AKAP9: variants seen among roughly 807,000 people sequenced by gnomAD.
AKAP9 encodes the protein A-kinase anchoring protein 9, also known as A-kinase anchor protein 9.
A neutral mutation model predicts 488.5 loss-of-function variants in AKAP9; 311 were observed. The ratio of observed to expected loss-of-function variants is 0.64; its 90% confidence interval spans 0.58 to 0.70. The LOEUF is 0.70. Among genes scored for constraint, AKAP9 ranks in the 30% least tolerant of loss-of-function variants. The pLI is 0.00. For missense variants in AKAP9, 4,215 were observed against 4,374.5 expected, an observed-to-expected ratio of 0.96 and a Z score of 1.03; for synonymous variants, 1,462 against 1,483.5, an observed-to-expected ratio of 0.99 and a Z score of 0.33.
In AKAP9 at chr7:92,066,462, A is replaced by G. The variant is rs1378402881; in HGVS notation, c.6246A>G (p.Val2082=). ...QAIDREHERD[V]FQQEIQKLEQ... is the part of the protein sequence containing the mutation. ...TTGACAGAGAACATGAGAGAGATGT[A>G]TTCCAACAGGAAATACAGAAACTAG... is the stretch of plus-strand genomic sequence containing the variant. Residue 2082 remains valine (V), a synonymous_variant, in exon 26 of 50, where the codon GTA becomes GTG. Transcript: ENST00000356239. The G allele has an allele frequency of 6.2e-7, 1 of 1,613,420 alleles. No individual in the cohort carries two copies. Among genetic ancestry groups the G allele is most frequent in the African/African-American group, 1.3e-5 (1 of 75,016 alleles).
chr7:92,059,770 T>C (rs749560140), intron 22 of AKAP9, among the ~76,000 whole-genome samples: 16 of 151,852 alleles, frequency 1.1e-4, no homozygotes, highest in Non-Finnish European at 2.1e-4. Context: ...AATTCCCATG[T>C]AGTTGTATAT....
rs1456779223 is a variant in AKAP9 at position 92,110,622 on chromosome 7, G to C, written c.*463G>C. 4.8e-6 allele frequency: 1 copy of C among 208,756 alleles called. No homozygotes were observed. Among genetic ancestry groups the C allele is most frequent in the East Asian group, 7.5e-5 (1 of 13,380 alleles). The allele number at this position is 208,756 out of a possible 1,614,324, so 12.9% of individuals were successfully genotyped here. On this transcript the variant is annotated 3_prime_UTR_variant, in exon 50 of 50. Coordinates refer to ENST00000356239, the MANE Select transcript of AKAP9 (RefSeq NM_005751.5). ...TAATGGTAGAAGTTTTGAATTTTATGGGGTATTTTGTCAAGTACTGAAATA... is the reference window on the plus strand; with the variant it reads ...TAATGGTAGAAGTTTTGAATTTTATCGGGTATTTTGTCAAGTACTGAAATA...
chr7:92,095,154 G>T lies in AKAP9; in HGVS notation c.9710G>T (p.Arg3237Leu), dbSNP rs757123477. ...GCCAAGTTGGGACGCAGTGAAGAAC[G>T]GGATAAAGAAGAACTTGAGGTACTG... ...EKAKLGRSEE[R>L]DKEELEDLKF... Residue 3237 changes from arginine to leucine, a missense_variant, in exon 40 of 50, where the codon CGG becomes CTG. This residue lies in a region of AKAP9 where 1,476 missense variants were observed against 1,477.4 expected (regional missense o/e 1.00). Transcript: ENST00000356239. 1.9e-6 allele frequency: 3 copies of T among 1,614,114 alleles called. No individual in the cohort carries two copies. Among genetic ancestry groups the T allele is most frequent in the Middle Eastern group, 1.6e-4 (1 of 6,062 alleles).
At chr7:92,006,474 G>A (rs138443550) in intron 8 of AKAP9, among the ~76,000 whole-genome samples, 1 of 152,116 alleles carries the variant, frequency 6.6e-6, no homozygotes, top group African/African-American at 2.4e-5. Context: ...CTGTACTAAA[G>A]AGATACTAAA....
intron 1 of AKAP9, among the ~76,000 whole-genome samples, chr7:91,962,104 TC>T: frequency 6.6e-6 from 1 of 152,210 alleles, no homozygotes; most frequent in Non-Finnish European, 1.5e-5. Flanking sequence ...AAATGTTTTC[TC>T]AGAAATTTAA....
rs1164753396 is a variant in AKAP9 at position 92,022,795 on chromosome 7, G to GTCTCTTTA, written c.3953-17_3953-10dup. ...ACTTATATTGAAATGTGCATTTTTT[G>GTCTCTTTA]TCTCTTTATATAACATAGATGTCAA... On this transcript the variant is annotated intron_variant, in intron 13 of 49. Coordinates refer to ENST00000356239, the MANE Select transcript of AKAP9 (RefSeq NM_005751.5). 25 of 1,486,686 alleles carry GTCTCTTTA rather than the reference G, an allele frequency of 1.7e-5. No individual in the cohort carries two copies. Among genetic ancestry groups the GTCTCTTTA allele is most frequent in the Non-Finnish European group, 1.9e-5 (20 of 1,073,048 alleles). The allele number at this position is 1,486,686 out of a possible 1,614,324, so 92.1% of individuals were successfully genotyped here.
At chr7:92,101,668 T>C (rs1238848145) in intron 45 of AKAP9, among the ~76,000 whole-genome samples, 2 of 152,108 alleles carry the variant, frequency 1.3e-5, no homozygotes, top group Admixed American at 6.5e-5. Context: ...TAACAAAAGC[T>C]CTACTATTGT....
intron 44 of AKAP9, 95 bp downstream of exon 44, chr7:92,099,964 T>C: frequency 1.7e-6 from 2 of 1,187,348 alleles, no homozygotes; most frequent in Non-Finnish European, 2.5e-6. Context: ...AATGTAAAAC[T>C]ATCACACACC....
At chr7:92,025,517 A>G (rs1184970122) in intron 14 of AKAP9, among the ~76,000 whole-genome samples, 2 of 152,226 alleles carry the variant, frequency 1.3e-5, no homozygotes, top group Non-Finnish European at 2.9e-5. Context: ...TTTTGAATAG[A>G]GTATACTGTT....
At chr7:91,971,675 C>T (rs961959352) in intron 1 of AKAP9, among the ~76,000 whole-genome samples, 14 of 141,956 alleles carry the variant, frequency 9.9e-5, no homozygotes, top group Non-Finnish European at 1.8e-4. Context: ...TCACGCCATT[C>T]TCCTGCCTCA....
At chr7:91,957,534 C>G (rs1011175889) in intron 1 of AKAP9, among the ~76,000 whole-genome samples, 2 of 152,090 alleles carry the variant, frequency 1.3e-5, no homozygotes, top group Non-Finnish European at 2.9e-5. Context: ...AATGGAATCA[C>G]AAAGGAACAA....
chr7:92,106,761 T>C (rs756784978), intron 47 of AKAP9, among the ~76,000 whole-genome samples: 4 of 152,254 alleles, frequency 2.6e-5, no homozygotes, highest in Non-Finnish European at 4.4e-5. Flanking sequence ...CTTTACATAC[T>C]CTACCAGGAG....
intron 1 of AKAP9, among the ~76,000 whole-genome samples, chr7:91,950,077 G>C (rs926450321): frequency 4.6e-5 from 7 of 152,058 alleles, no homozygotes; most frequent in Admixed American, 3.9e-4. Context: ...TAGGTTCTCT[G>C]ATTTACAGAT....
intron 7 of AKAP9, among the ~76,000 whole-genome samples, chr7:91,997,184 G>A (rs1018166869): frequency 9.9e-5 from 15 of 152,126 alleles, no homozygotes; most frequent in African/African-American, 3.6e-4. Context: ...ACCTATTTTT[G>A]TAGCAGGCCC....
chr7:92,045,128 T>C lies in AKAP9; in HGVS notation c.5283T>C (p.Ser1761=), dbSNP rs776345336. ...RHVLGILDRS[S]KSQSSASLIW... is the part of the protein sequence containing the mutation. ...TCCTTGGGATTCTAGATAGATCTAG[T>C]AAAAGCCAGTCATCTGCCAGCCTAA... Residue 1761 remains serine, a synonymous_variant, in exon 21 of 50, where the codon AGT becomes AGC. Coordinates refer to ENST00000356239, the MANE Select transcript of AKAP9 (RefSeq NM_005751.5). The C allele has an allele frequency of 1.2e-5, 19 of 1,613,672 alleles. No individual in the cohort carries two copies. The highest frequency in any genetic ancestry group is 1.6e-4 in the Middle Eastern group (1 of 6,084).
intron 8 of AKAP9, among the ~76,000 whole-genome samples, chr7:92,010,473 T>C (rs1462074491): frequency 1.3e-5 from 2 of 152,218 alleles, no homozygotes; most frequent in Non-Finnish European, 2.9e-5. Flanking sequence ...CAATTCTTTT[T>C]TGTGAGCGGC....
chr7:91,990,271 G>T (rs538757547), intron 3 of AKAP9, among the ~76,000 whole-genome samples: 157 of 152,138 alleles, frequency 1.0e-3, no homozygotes, highest in African/African-American at 3.7e-3. Context: ...GAAGACTAAT[G>T]TTAGAAGAGG....
At chr7:91,971,971 G>A (rs1795138921) in intron 1 of AKAP9, among the ~76,000 whole-genome samples, 2 of 98,984 alleles carry the variant, frequency 2.0e-5, no homozygotes, top group Non-Finnish European at 4.1e-5. Flanking sequence ...AGTCTTTTAT[G>A]TTTTGCCTCT....
Position 92,103,387 on chromosome 7 carries a change from CAAAAAAAAAAA to C in AKAP9, c.11330+577_11330+587del, listed in dbSNP as rs898565298. Among the ~76,000 whole-genome samples the C allele has an allele frequency of 8.5e-4, 22 of 25,924 alleles. No individual in the cohort carries two copies. In the South Asian group the frequency reaches 0.027, roughly 32 times the overall value. 17.0% of individuals were successfully genotyped at this position (25,924 alleles called of 152,430 possible). On this transcript the variant is annotated intron_variant, in intron 46 of 49. Transcript: ENST00000356239. Reference sequence around the variant, plus strand: ...GCCATGTGACAGAGTGAGACTCTGTCAAAAAAAAAAAAAAAAAAAAAAAAAAGGCCGGGCAT... The same window carrying C: ...GCCATGTGACAGAGTGAGACTCTGTCAAAAAAAAAAAAAAAGGCCGGGCAT...
Sources: allele counts gnomAD v4.1 joint callset (sites outside exome capture counted in the v4.1 genomes callset), GRCh38; gene constraint gnomAD v4.1.1; regional missense constraint gnomAD v4.1.1; transcripts MANE v1.5; gene names NCBI Gene and HGNC (gene_info 2026-07-23, HGNC 2026-07-21).